The following CLIP1 variants were observed in gnomAD, a reference collection of about 807,000 sequenced individuals.
The protein encoded by CLIP1 is CAP-Gly domain containing linker protein 1.
Under a neutral mutation model 161.6 loss-of-function variants are expected in CLIP1, and 66 were observed. The ratio of observed to expected loss-of-function variants is 0.41; its 90% CI spans 0.33 to 0.50. The LOEUF (loss-of-function observed/expected upper bound fraction) is 0.50, where lower values mean the gene tolerates loss of function less well. CLIP1 is among the 20% of genes least tolerant of loss of function. The probability of loss-of-function intolerance (pLI) is 0.27; values close to 1 mark genes in which losing one functional copy is unlikely to be tolerated. For synonymous variants in CLIP1, 598 were observed against 626.2 expected, an observed-to-expected ratio of 0.96 and a Z score of 0.67; for missense variants, 1,376 against 1,702.0, an observed-to-expected ratio of 0.81 and a Z score of 3.37.
intron 1 of CLIP1, among the ~76,000 whole-genome samples, chr12:122,414,984 G>A (rs1264005865): frequency 1.3e-5 from 2 of 152,096 alleles, no homozygotes; most frequent in Non-Finnish European, 2.9e-5. Context: ...TCTGAACCCA[G>A]GAGGTGGAGG....
At chr12:122,392,021 A>C (rs1329707487) in intron 1 of CLIP1, among the ~76,000 whole-genome samples, 1 of 152,230 alleles carries the variant, frequency 6.6e-6, no homozygotes, top group South Asian at 2.1e-4. Context: ...CTGTAATCCT[A>C]GCACGTTAGG....
In CLIP1 at chr12:122,415,557, G is replaced by A. The variant is rs936347593; in HGVS notation, c.-107+6964C>T. 4.0e-5 allele frequency among the ~76,000 whole-genome samples: 6 copies of A among 151,356 alleles called. No individual in the cohort carries two copies. In the South Asian group the frequency reaches 8.4e-4, roughly 21 times the overall value. On this transcript the variant is annotated intron_variant, in intron 1 of 25. Coordinates refer to ENST00000620786, the MANE Select transcript of CLIP1 (RefSeq NM_001247997.2). ...ATTTTGGCTAGGCACAGTGGCTCAC[G>A]CCTGTAATCCCACCACTTTGGGAGG...
In CLIP1 at chr12:122,355,327, T is replaced by C. The variant is rs149762248; in HGVS notation, c.1006-15A>G. On this transcript the variant is annotated splice_polypyrimidine_tract_variant and intron_variant, in intron 5 of 25. Coordinates refer to ENST00000620786, the MANE Select transcript of CLIP1 (RefSeq NM_001247997.2). The surrounding 1 kb of genome is among the most constrained non-coding windows in gnomAD (Gnocchi z 4.1). Reference sequence around the variant, plus strand: ...GTTTCAGTCAACTGTAAAGGAAAGTTAGAGAAATGAAGGGCGATGATGCTG... The same window carrying C: ...GTTTCAGTCAACTGTAAAGGAAAGTCAGAGAAATGAAGGGCGATGATGCTG... The C allele has an allele frequency of 8.7e-4, 1,396 of 1,609,810 alleles. 13 individuals carry two copies. The East Asian group carries it at 0.017, about 20-fold the overall frequency.
At chr12:122,301,753 T>G (rs1001506237) in intron 20 of CLIP1, among the ~76,000 whole-genome samples, 1 of 152,228 alleles carries the variant, frequency 6.6e-6, no homozygotes, top group Non-Finnish European at 1.5e-5. Flanking sequence ...TTTACTTGGA[T>G]TTAACGCTCA....
At position 122,414,871 on chromosome 12, in the gene CLIP1, G is replaced by A. The variant is rs547333499; in HGVS notation, c.-107+7650C>T. On this transcript the variant is annotated intron_variant, in intron 1 of 25. Transcript: ENST00000620786. ...GGATTCTTTGAGTTCCGCCTATATG[G>A]GAAACACATTATGTATATTAAAAAT... Among the ~76,000 whole-genome samples, 4 of 152,012 alleles carry A rather than the reference G, an allele frequency of 2.6e-5. No homozygotes were observed. In the East Asian group the frequency reaches 7.7e-4, roughly 29 times the overall value.
At chr12:122,363,885 A>G in intron 4 of CLIP1, 98 bp downstream of exon 4, 3 of 1,545,076 alleles carry the variant, frequency 1.9e-6, no homozygotes, top group Non-Finnish European at 2.7e-6. Context: ...CACTCTTCCA[A>G]ACACAACTTT....
chr12:122,387,538 A>G (rs1955332094), intron 1 of CLIP1, among the ~76,000 whole-genome samples: 1 of 124,338 alleles, frequency 8.0e-6, no homozygotes, highest in African/African-American at 3.0e-5. Context: ...CCTTGAATAC[A>G]TGCCTTTTCA....
chr12:122,360,846 G>T (rs1593161073), intron 5 of CLIP1, 113 bp downstream of exon 5: 1 of 833,606 alleles, frequency 1.2e-6, no homozygotes, highest in Middle Eastern at 3.2e-4. Flanking sequence ...AAAGCTGTGA[G>T]CAACATTCAG....
intron 20 of CLIP1, among the ~76,000 whole-genome samples, chr12:122,294,243 G>A (rs1052015991): frequency 6.7e-6 from 1 of 150,046 alleles, no homozygotes; most frequent in Admixed American, 6.6e-5. Flanking sequence ...GCAGGAGAAT[G>A]GCGTGAACCT....
chr12:122,282,307 G>A (rs955310837), intron 21 of CLIP1, among the ~76,000 whole-genome samples: 5 of 152,170 alleles, frequency 3.3e-5, no homozygotes, highest in East Asian at 1.9e-4. Context: ...CATTACTGAC[G>A]TCTGAGTCAC....
intron 20 of CLIP1, among the ~76,000 whole-genome samples, chr12:122,306,197 C>T (rs1950868353): frequency 6.6e-6 from 1 of 152,028 alleles, no homozygotes; most frequent in East Asian, 1.9e-4. Flanking sequence ...GAACTGGCTT[C>T]CTTGGTCCTC....
chr12:122,373,638 A>G (rs1440668243), intron 3 of CLIP1, among the ~76,000 whole-genome samples: 32 of 152,082 alleles, frequency 2.1e-4, no homozygotes, highest in Non-Finnish European at 1.9e-4. Flanking sequence ...AATTATTTAT[A>G]CCCCTTGACT....
chr12:122,304,045 C>G (rs1950781795), intron 20 of CLIP1, among the ~76,000 whole-genome samples: 1 of 152,202 alleles, frequency 6.6e-6, no homozygotes, highest in Admixed American at 6.5e-5. Context: ...AAAATACCCA[C>G]AGTGCCCTGT....
intron 20 of CLIP1, among the ~76,000 whole-genome samples, chr12:122,293,814 T>TTTTTTG (rs1238146727): frequency 2.1e-5 from 1 of 47,836 alleles, no homozygotes; most frequent in Non-Finnish European, 3.4e-5. Flanking sequence ...TTGTTTTTTG[T>TTTTTTG]TTTTTTTTGA....
intron 3 of CLIP1, among the ~76,000 whole-genome samples, chr12:122,371,064 A>G (rs2136698566): frequency 6.6e-6 from 1 of 152,230 alleles, no homozygotes; most frequent in Non-Finnish European, 1.5e-5. Context: ...CACCCACTTG[A>G]CCAAAATATT....
At chr12:122,351,387 T>G (rs1953029152) in intron 8 of CLIP1, among the ~76,000 whole-genome samples, 1 of 152,268 alleles carries the variant, frequency 6.6e-6, no homozygotes, top group South Asian at 2.1e-4. Context: ...TGGGGTGTTT[T>G]TAAATGGATG....
chr12:122,308,621 G>T (rs373154425), intron 20 of CLIP1, among the ~76,000 whole-genome samples: 1 of 152,116 alleles, frequency 6.6e-6, no homozygotes, highest in Non-Finnish European at 1.5e-5. Context: ...TTGTGCTTCC[G>T]TTTCCCCTTT....
rs1566209094 is a variant in CLIP1 at position 122,387,565 on chromosome 12, TA to T, written c.-106-7008del. 4.8e-3 allele frequency among the ~76,000 whole-genome samples: 52 copies of T among 10,816 alleles called. 1 individual carries two copies. Among genetic ancestry groups the T allele is most frequent in the South Asian group, 0.022 (10 of 454 alleles). 7.1% of individuals were successfully genotyped at this position (10,816 alleles called of 152,430 possible). A position where few individuals can be genotyped will look rare whatever the true frequency, so the allele number is the denominator to read the frequency against. On this transcript the variant is annotated intron_variant, in intron 1 of 25. Transcript: ENST00000620786. Reference sequence around the variant, plus strand: ...GCCTTTTCATATATATATATATATATATATATATATATATATATATATATAT... The same window carrying T: ...GCCTTTTCATATATATATATATATATTATATATATATATATATATATATAT...
chr12:122,316,628 A>G, intron 19 of CLIP1, 121 bp downstream of exon 19: 1 of 622,806 alleles, frequency 1.6e-6, no homozygotes, highest in Non-Finnish European at 2.7e-6. Flanking sequence ...GGGGTATGCA[A>G]TAGAGTCTGC....
Sources: gnomAD v4.1 joint callset for allele counts (sites outside exome capture counted in the v4.1 genomes callset) on GRCh38, gnomAD v4.1.1 for gene constraint, Gnocchi (gnomAD v3.1) non-coding constraint, MANE v1.5 for transcripts, NCBI Gene and HGNC (gene_info 2026-07-23, HGNC 2026-07-21) for gene names.